Variants in FMN2 observed in about 807,000 individuals in gnomAD.
The protein encoded by FMN2 is formin-2.
FMN2 carries 51 observed loss-of-function variants against 142.3 expected under a neutral mutation model. That is an observed-to-expected ratio of 0.36 (90% CI 0.29 to 0.45). The LOEUF (loss-of-function observed/expected upper bound fraction) is 0.45, where lower values mean the gene tolerates loss of function less well. FMN2 is among the 20% of genes least tolerant of loss of function. The pLI is 1.00. For synonymous variants in FMN2, 882 were observed against 869.8 expected, an observed-to-expected ratio of 1.01 and a Z score of -0.25; for missense variants, 1,936 against 2,122.8, an observed-to-expected ratio of 0.91 and a Z score of 1.73.
At chr1:240,122,250 GTTATTTAT>G (rs59141517) in intron 1 of FMN2, among the ~76,000 whole-genome samples, 15 of 149,208 alleles carry the variant, frequency 1.0e-4, no homozygotes, top group Non-Finnish European at 1.8e-4. Context: ...ACCACGGCTG[GTTATTTAT>G]TTATTTATTT....
At chr1:240,136,238 G>A (rs144490512) in intron 2 of FMN2, among the ~76,000 whole-genome samples, 35 of 152,106 alleles carry the variant, frequency 2.3e-4, no homozygotes, top group African/African-American at 7.2e-4. Flanking sequence ...AGGGCAAAAC[G>A]GGTGATGTTT....
rs371545173 is a variant in FMN2, at chr1:240,173,674, A to G, written c.1783-4247A>G. Among the ~76,000 whole-genome samples the G allele has an allele frequency of 3.6e-3, 541 of 152,274 alleles. 3 individuals are homozygous for G. Among genetic ancestry groups the G allele is most frequent in the African/African-American group, 0.012 (513 of 41,544 alleles). On this transcript the variant is annotated intron_variant, in intron 2 of 17. Transcript: ENST00000319653. ...TTGAAGAGTTGGGATTTGATTCTGC[A>G]GACACGGAGGAACCATGGAAGAAAT...
At chr1:240,292,602 T>A (rs1669833514) in intron 7 of FMN2, among the ~76,000 whole-genome samples, 1 of 152,164 alleles carries the variant, frequency 6.6e-6, no homozygotes, top group Non-Finnish European at 1.5e-5. Context: ...ATTCCATCCA[T>A]TGAAAATGTA....
chr1:240,457,763 A>G (rs1038823512), intron 16 of FMN2: 9 of 152,366 alleles, frequency 5.9e-5, no homozygotes, highest in African/African-American at 2.2e-4. Context: ...TCAAGTGCCT[A>G]AAGTGGCTGG....
intron 8 of FMN2, among the ~76,000 whole-genome samples, chr1:240,297,153 A>T (rs1376599526): frequency 6.6e-6 from 1 of 152,170 alleles, no homozygotes; most frequent in East Asian, 1.9e-4. Context: ...TTACATATAT[A>T]CATTTGGTGT....
intron 2 of FMN2, among the ~76,000 whole-genome samples, chr1:240,165,350 A>AT (rs34517144): frequency 0.075 from 11,421 of 151,948 alleles, 508 homozygotes; most frequent in African/African-American, 0.11. Flanking sequence ...AGATTTTAAA[A>AT]TTTTTTGTAG....
At chr1:240,236,641 T>A (rs1365279311) in intron 6 of FMN2, among the ~76,000 whole-genome samples, 1 of 152,132 alleles carries the variant, frequency 6.6e-6, no homozygotes, top group Non-Finnish European at 1.5e-5. Flanking sequence ...GGATGTCACA[T>A]GGTGAGAGAG....
intron 6 of FMN2, among the ~76,000 whole-genome samples, chr1:240,247,115 C>T (rs1301903003): frequency 6.6e-6 from 1 of 152,166 alleles, no homozygotes; most frequent in Non-Finnish European, 1.5e-5. Context: ...GAATGTCTGC[C>T]TTCTGAAAGG....
At chr1:240,438,868 G>A (rs12143600) in intron 16 of FMN2, among the ~76,000 whole-genome samples, 16,382 of 152,128 alleles carry the variant, frequency 0.11, 1,130 homozygotes, top group East Asian at 0.31. Context: ...GCGTCTAGTG[G>A]GAAACTAAAG....
intron 7 of FMN2, among the ~76,000 whole-genome samples, chr1:240,272,401 GA>G (rs1669048023): frequency 6.6e-6 from 1 of 152,188 alleles, no homozygotes; most frequent in African/African-American, 2.4e-5. Flanking sequence ...TAATCCTTGA[GA>G]GGGGTCGGAT....
chr1:240,337,654 T>C (rs72766287), intron 13 of FMN2, among the ~76,000 whole-genome samples: 27,946 of 151,934 alleles, frequency 0.18, 3,344 homozygotes, highest in African/African-American at 0.34. Flanking sequence ...GAATAAGCAG[T>C]GGGATTAGTT....
At chr1:240,394,691 G>A (rs1673712745) in intron 15 of FMN2, among the ~76,000 whole-genome samples, 1 of 152,152 alleles carries the variant, frequency 6.6e-6, no homozygotes, top group Non-Finnish European at 1.5e-5. Context: ...AACAGGGTCG[G>A]GCGTGGTGGC....
chr1:240,357,764 C>A (rs530863405), intron 14 of FMN2, among the ~76,000 whole-genome samples: 4 of 152,010 alleles, frequency 2.6e-5, no homozygotes, highest in Non-Finnish European at 5.9e-5. Flanking sequence ...CCCGCCACCA[C>A]GCCCGGCTAA....
chr1:240,343,216 A>C (rs988778473), intron 13 of FMN2, among the ~76,000 whole-genome samples: 8 of 152,190 alleles, frequency 5.3e-5, no homozygotes, highest in African/African-American at 1.9e-4. Context: ...TAATTCTGAT[A>C]TGTCTTTCAA....
chr1:240,423,006 T>C (rs1674824408), intron 15 of FMN2, among the ~76,000 whole-genome samples: 1 of 152,222 alleles, frequency 6.6e-6, no homozygotes, highest in African/African-American at 2.4e-5. Flanking sequence ...ACAATTACCC[T>C]GAAGGTGTAA....
intron 2 of FMN2, among the ~76,000 whole-genome samples, chr1:240,162,875 A>G (rs757382062): frequency 2.6e-5 from 4 of 152,166 alleles, no homozygotes; most frequent in Admixed American, 6.5e-5. Context: ...TTTTTAATAT[A>G]TGCATTTAAA....
At chr1:240,298,397 A>G (rs1670067860) in intron 8 of FMN2, among the ~76,000 whole-genome samples, 2 of 152,212 alleles carry the variant, frequency 1.3e-5, no homozygotes, top group Non-Finnish European at 2.9e-5. Context: ...TAGTTGTTTT[A>G]TCCACAGCAA....
chr1:240,323,214 T>C (rs928415532), intron 8 of FMN2, among the ~76,000 whole-genome samples: 1 of 150,888 alleles, frequency 6.6e-6, no homozygotes, highest in African/African-American at 2.4e-5. Flanking sequence ...TCTCACACTC[T>C]CACTCTCTCT....
intron 4 of FMN2, among the ~76,000 whole-genome samples, chr1:240,195,034 T>C (rs944540300): frequency 6.6e-6 from 1 of 152,210 alleles, no homozygotes; most frequent in African/African-American, 2.4e-5. Context: ...TTATCATTAT[T>C]GTTGTTATAG....
Sources: gnomAD v4.1 joint callset for allele counts (sites outside exome capture counted in the v4.1 genomes callset) on GRCh38, gnomAD v4.1.1 for gene constraint, MANE v1.5 for transcripts, NCBI Gene and HGNC (gene_info 2026-07-23, HGNC 2026-07-21) for gene names.